The following GFRA2 variants were observed in gnomAD, a reference collection of about 807,000 sequenced individuals.
GFRA2 encodes GDNF family receptor alpha-2.
A neutral mutation model predicts 48.3 loss-of-function variants in GFRA2; 17 were observed. The ratio of observed to expected loss-of-function variants is 0.35; its 90% CI spans 0.24 to 0.53. The LOEUF (loss-of-function observed/expected upper bound fraction) is 0.53. GFRA2 is among the 20% of genes least tolerant of loss of function. GFRA2 has a pLI of 0.93. For missense variants in GFRA2, 660 were observed against 637.3 expected (o/e 1.04, Z -0.38); for synonymous variants, 305 against 257.2 (o/e 1.19, Z -1.78).
chr8:21,758,005 C>T (rs73219558), intron 3 of GFRA2, among the ~76,000 whole-genome samples: 24 of 152,130 alleles, frequency 1.6e-4, no homozygotes, highest in African/African-American at 5.1e-4. Context: ...GCAATGCACT[C>T]GGAGGGGGAA....
intron 4 of GFRA2, among the ~76,000 whole-genome samples, chr8:21,734,370 T>G (rs1195437565): frequency 6.6e-6 from 1 of 152,146 alleles, no homozygotes; most frequent in Non-Finnish European, 1.5e-5. Context: ...CTTCTGGGGG[T>G]CTACCCAACA....
At chr8:21,775,155 C>G in intron 2 of GFRA2, 100 bp from the exon 3 acceptor site, 4 of 695,866 alleles carry the variant, frequency 5.7e-6, no homozygotes, top group Non-Finnish European at 1.1e-5. Context: ...CAGGGGAAAG[C>G]TCGTGCCACC....
At chr8:21,781,685 A>C (rs1470601657) in intron 2 of GFRA2, among the ~76,000 whole-genome samples, 1 of 152,044 alleles carries the variant, frequency 6.6e-6, no homozygotes, top group Non-Finnish European at 1.5e-5. Flanking sequence ...AGGAGGGCAG[A>C]GGCTGCATCA....
intron 3 of GFRA2, among the ~76,000 whole-genome samples, chr8:21,774,062 T>C (rs1806567223): frequency 6.6e-6 from 1 of 152,088 alleles, no homozygotes; most frequent in Non-Finnish European, 1.5e-5. Context: ...GTAAACGAGA[T>C]TTCCTGTGCT....
chr8:21,694,429 C>T (rs1244281784), intron 8 of GFRA2, 35 bp downstream of exon 8: 1 of 1,600,834 alleles, frequency 6.2e-7, no homozygotes, highest in Non-Finnish European at 8.5e-7. Flanking sequence ...CCGGCCCAGC[C>T]TTCTGCACCC....
At chr8:21,760,365 G>A (rs1353897145) in intron 3 of GFRA2, among the ~76,000 whole-genome samples, 1 of 152,166 alleles carries the variant, frequency 6.6e-6, no homozygotes, top group East Asian at 1.9e-4. Context: ...CTGGGGTGGG[G>A]TGGTGACTGC....
intron 4 of GFRA2, among the ~76,000 whole-genome samples, chr8:21,714,722 A>G (rs1182070289): frequency 6.6e-6 from 1 of 152,172 alleles, no homozygotes; most frequent in African/African-American, 2.4e-5. Flanking sequence ...ATATTTCACA[A>G]TGAGGACACA....
intron 7 of GFRA2, among the ~76,000 whole-genome samples, chr8:21,696,498 C>G (rs1321020673): frequency 2.0e-5 from 3 of 152,140 alleles, no homozygotes; most frequent in Admixed American, 2.0e-4. Flanking sequence ...GCACAATGTG[C>G]TGTGGCTGTG....
At position 21,750,207 on chromosome 8, in the gene GFRA2, G is replaced by A. The variant is rs546819335; in HGVS notation, c.794+381C>T. ...TCCTCCTGCCTCAGCCTCCTGAGTC[G>A]CTGGGATTACAGGCATGAGCCACTG... On this transcript the variant is annotated intron_variant, in intron 4 of 8. Coordinates refer to ENST00000524240, the MANE Select transcript of GFRA2 (RefSeq NM_001495.5). This position sits in a 1 kb window ranked among gnomAD's most constrained non-coding sequence, Gnocchi z 5.7. Among the ~76,000 whole-genome samples the A allele has an allele frequency of 1.6e-4, 25 of 152,106 alleles. No individual in the cohort carries two copies. The highest frequency in any genetic ancestry group is 3.1e-4 in the Non-Finnish European group (21 of 67,988).
chr8:21,694,456 C>G lies in GFRA2; in HGVS notation c.1272+8G>C. On this transcript the variant is annotated splice_region_variant and intron_variant, in intron 8 of 8. Coordinates refer to ENST00000524240, the MANE Select transcript of GFRA2 (RefSeq NM_001495.5). ...TCTGCACCCATCCCCACTCTGCCCCCAACTCACCTCTGTGAAGCACATGCT... is the reference window on the plus strand; with the variant it reads ...TCTGCACCCATCCCCACTCTGCCCCGAACTCACCTCTGTGAAGCACATGCT... 1 of 1,611,434 alleles carries G rather than the reference C, an allele frequency of 6.2e-7. No individual in the cohort carries two copies. Among genetic ancestry groups the G allele is most frequent in the Non-Finnish European group, 8.5e-7 (1 of 1,179,330 alleles).
At chr8:21,733,755 G>T (rs115739903) in intron 4 of GFRA2, among the ~76,000 whole-genome samples, 216 of 152,296 alleles carry the variant, frequency 1.4e-3, no homozygotes, top group African/African-American at 4.9e-3. Context: ...ATGGGATAGA[G>T]GCTGAGGTTT....
chr8:21,703,042 T>G, intron 6 of GFRA2, 65 bp from the exon 7 acceptor site: 1 of 1,028,374 alleles, frequency 9.7e-7, no homozygotes, highest in Non-Finnish European at 1.4e-6. Context: ...CTGTCCCTGC[T>G]CCTCACACTC....
intron 2 of GFRA2, among the ~76,000 whole-genome samples, chr8:21,777,361 G>A (rs895172319): frequency 2.7e-5 from 4 of 146,592 alleles, no homozygotes; most frequent in African/African-American, 1.0e-4. Context: ...ATCTAGCGCA[G>A]CCATGGGCCT....
intron 3 of GFRA2, among the ~76,000 whole-genome samples, chr8:21,754,505 CTTTTTTTTT>C (rs59344047): frequency 1.6e-5 from 2 of 121,246 alleles, no homozygotes; most frequent in South Asian, 5.5e-4. Context: ...CTTTTTTTTT[CTTTTTTTTT>C]TTTTTTTTTT....
chr8:21,711,390 T>C (rs1803014205), intron 4 of GFRA2, among the ~76,000 whole-genome samples: 1 of 152,156 alleles, frequency 6.6e-6, no homozygotes. Flanking sequence ...GCCAAGTCCA[T>C]CTCGGCTGAG....
upstream of GFRA2, chr8:21,790,217 C>T: frequency 1.4e-5 from 5 of 349,070 alleles, no homozygotes; most frequent in Non-Finnish European, 1.6e-5. Flanking sequence ...CGCGCGAGGG[C>T]TCACACCCAC....
At chr8:21,727,545 C>A (rs572942843) in intron 4 of GFRA2, among the ~76,000 whole-genome samples, 2 of 152,222 alleles carry the variant, frequency 1.3e-5, no homozygotes, top group Non-Finnish European at 2.9e-5. Context: ...ACGGCCCCCC[C>A]CAGGAGACAG....
At chr8:21,736,050 C>T (rs35422402) in intron 4 of GFRA2, among the ~76,000 whole-genome samples, 39 of 152,316 alleles carry the variant, frequency 2.6e-4, no homozygotes, top group African/African-American at 9.1e-4. Flanking sequence ...CCTCCCTTCA[C>T]CTTGGGAAGT....
At chr8:21,741,389 G>C (rs540019988) in intron 4 of GFRA2, among the ~76,000 whole-genome samples, 181 of 152,278 alleles carry the variant, frequency 1.2e-3, no homozygotes, top group African/African-American at 3.7e-3. Context: ...TCATCTTGCA[G>C]ATAAACTTTT....
Sources: allele counts gnomAD v4.1 joint callset (sites outside exome capture counted in the v4.1 genomes callset), GRCh38; gene constraint gnomAD v4.1.1; non-coding constraint Gnocchi (gnomAD v3.1); transcripts MANE v1.5; gene names NCBI Gene and HGNC (gene_info 2026-07-23, HGNC 2026-07-21).